Variants in CEACAM5 observed in about 807,000 individuals in gnomAD.
CEACAM5 encodes cell adhesion molecule CEACAM5.
Under a neutral mutation model 63.0 loss-of-function variants are expected in CEACAM5, and 52 were observed. The ratio of observed to expected loss-of-function variants is 0.83; its 90% CI spans 0.66 to 1.04. The LOEUF (loss-of-function observed/expected upper bound fraction) is 1.04, where lower values mean the gene tolerates loss of function less well. Ranked by LOEUF, CEACAM5 falls within the 50% of genes least tolerant of loss-of-function variation. The pLI is 0.00. For missense variants in CEACAM5, 790 were observed against 864.8 expected (o/e 0.91, Z 1.08); for synonymous variants, 357 against 351.3 (o/e 1.02, Z -0.18).
rs1314937111 is a variant in CEACAM5 at position 41,730,187 on chromosome 19, G to A, written c.*1040G>A. On this transcript the variant is annotated 3_prime_UTR_variant, in exon 10 of 10. Coordinates refer to ENST00000221992, the MANE Select transcript of CEACAM5 (RefSeq NM_004363.6). ...TGTAATCCCAGCACTTTGATCCGCCGAGGCGGGCGGATCACGAGGTCAGGA... is the reference window on the plus strand; with the variant it reads ...TGTAATCCCAGCACTTTGATCCGCCAAGGCGGGCGGATCACGAGGTCAGGA... Among the ~76,000 whole-genome samples, 2 of 152,144 alleles carry A rather than the reference G, an allele frequency of 1.3e-5. No individual in the cohort carries two copies. The highest frequency in any genetic ancestry group is 2.9e-5 in the Non-Finnish European group (2 of 68,026).
At chr19:41,716,049 A>T in intron 4 of CEACAM5, 145 bp downstream of exon 4, 1 of 893,852 alleles carries the variant, frequency 1.1e-6, no homozygotes, top group Non-Finnish European at 1.7e-6. Context: ...AACCTCCCCA[A>T]TATGTCTCTA....
chr19:41,720,730 G>A (rs1402306858), intron 7 of CEACAM5, among the ~76,000 whole-genome samples, 192 bp from the exon 8 acceptor site: 2 of 152,000 alleles, frequency 1.3e-5, no homozygotes, highest in Non-Finnish European at 1.5e-5. Flanking sequence ...GGCTGGTCTC[G>A]AACTCCTGAT....
intron 1 of CEACAM5, 39 bp downstream of exon 1, chr19:41,708,834 A>AGCACAGAGACTG (rs3217253): frequency 0.48 from 744,911 of 1,541,364 alleles, 184,428 homozygotes; most frequent in African/African-American, 0.67. Context: ...GGGAGGAGGG[A>AGCACAGAGACTG]GCTGGGGTCT....
chr19:41,725,167 G>C (rs906844869), intron 8 of CEACAM5, among the ~76,000 whole-genome samples: 2 of 152,038 alleles, frequency 1.3e-5, no homozygotes, highest in Non-Finnish European at 2.9e-5. Context: ...TGAAAGAATG[G>C]TGAATTTTGT....
intron 6 of CEACAM5, among the ~76,000 whole-genome samples, chr19:41,719,583 G>A (rs2072583472): frequency 6.6e-6 from 1 of 152,150 alleles, no homozygotes; most frequent in Non-Finnish European, 1.5e-5. Context: ...CAGCTGAACG[G>A]AATTCAGCAC....
At chr19:41,711,404 A>G (rs1460464072) in intron 2 of CEACAM5, among the ~76,000 whole-genome samples, 2 of 152,198 alleles carry the variant, frequency 1.3e-5, no homozygotes, top group Admixed American at 6.5e-5. Flanking sequence ...ACGCTTGCTC[A>G]GTAGCTCTCT....
At position 41,720,046 on chromosome 19, in the gene CEACAM5, A is replaced by G. The variant is rs1555815844; in HGVS notation, c.1609A>G (p.Asn537Asp). Residue 537 changes from asparagine (N) to aspartate (D), a missense_variant, in exon 7 of 10, where the codon AAT becomes GAT. Physicochemically the swap from Asn to Asp is conservative, Grantham distance 23. Transcript: ENST00000221992. ...GAACACAACCTACCTGTGGTGGGTA[A>G]ATGGTCAGAGCCTCCCAGTCAGTCC... ...AQNTTYLWWV[N>D]GQSLPVSPRL... The G allele has an allele frequency of 3.1e-6, 5 of 1,614,224 alleles. No homozygotes were observed. The highest frequency in any genetic ancestry group is 4.2e-6 in the Non-Finnish European group (5 of 1,180,042).
In CEACAM5 at chr19:41,727,357, G is replaced by T. The variant is rs782272817; in HGVS notation, c.*36+5G>T. The T allele has an allele frequency of 3.6e-6, 5 of 1,375,136 alleles. No individual in the cohort carries two copies. Among genetic ancestry groups the T allele is most frequent in the South Asian group, 2.3e-5 (2 of 85,544 alleles). The allele number at this position is 1,375,136 out of a possible 1,614,324, so 85.2% of individuals were successfully genotyped here. The stretch of plus-strand genomic sequence containing the variant: ...TTCTTCATTTCAGGAAGACTGGTAG[G>T]TATAATGGCCTTTCCTCTTGTTCTG... On this transcript the variant is annotated splice_donor_5th_base_variant and intron_variant, in intron 9 of 9. Coordinates refer to ENST00000221992, the MANE Select transcript of CEACAM5 (RefSeq NM_004363.6).
chr19:41,720,945 TC>T lies in CEACAM5; in HGVS notation c.1802del (p.Pro601GlnfsTer68), dbSNP rs782698410. 6.2e-7 allele frequency: 1 copy of T among 1,612,830 alleles called. No individual in the cohort carries two copies. The highest frequency in any genetic ancestry group is 1.7e-5 in the Admixed American group (1 of 59,898). ...AGATGGGCCGGACACCCCCATCATT[TC>T]CCCCCCAGACTCGTCTTACCTTTCG... ...VLYGPDTPII[S>X]PPDSSYLSGA... On this transcript the variant is annotated frameshift_variant, in exon 8 of 10. Transcript: ENST00000221992. LOFTEE classifies it high-confidence loss of function.
intron 2 of CEACAM5, among the ~76,000 whole-genome samples, chr19:41,710,761 C>T (rs2072423564): frequency 6.6e-6 from 1 of 152,140 alleles, no homozygotes; most frequent in African/African-American, 2.4e-5. Flanking sequence ...CCCGGCAGCT[C>T]CTTGTCCACC....
At chr19:41,714,879 T>C (rs2072494182) in intron 2 of CEACAM5, 92 bp from the exon 3 acceptor site, 1 of 1,585,452 alleles carries the variant, frequency 6.3e-7, no homozygotes, top group Non-Finnish European at 8.6e-7. Flanking sequence ...TCAGGTGGGC[T>C]GAGAGGTGGA....
At chr19:41,730,444 T>C (rs1024773637), downstream of CEACAM5, among the ~76,000 whole-genome samples, 2 of 150,738 alleles carry the variant, frequency 1.3e-5, no homozygotes, top group Non-Finnish European at 3.0e-5. Flanking sequence ...GTCTATGTGG[T>C]CAGTCACTAC....
At chr19:41,709,328 G>C (rs1446773505) in intron 1 of CEACAM5, among the ~76,000 whole-genome samples, 2 of 152,184 alleles carry the variant, frequency 1.3e-5, no homozygotes, top group Non-Finnish European at 2.9e-5. Context: ...AGGGAATAGA[G>C]CAGGGAAAGG....
At chr19:41,716,097 G>T (rs1219007016) in intron 4 of CEACAM5, among the ~76,000 whole-genome samples, 193 bp downstream of exon 4, 1 of 152,216 alleles carries the variant, frequency 6.6e-6, no homozygotes, top group South Asian at 2.1e-4. Context: ...CTCATGGCGG[G>T]CCCCAGGTCC....
chr19:41,717,336 A>T, intron 4 of CEACAM5, 119 bp from the exon 5 acceptor site: 1 of 1,087,688 alleles, frequency 9.2e-7, no homozygotes, highest in East Asian at 2.4e-5. Context: ...CACACCTGCC[A>T]TGAGCTTTTA....
chr19:41,728,630 C>G (rs2072730810), intron 9 of CEACAM5, among the ~76,000 whole-genome samples: 2 of 151,690 alleles, frequency 1.3e-5, no homozygotes, highest in Non-Finnish European at 2.9e-5. Flanking sequence ...ACTAAAAATA[C>G]AAAAAAATCA....
intron 8 of CEACAM5, among the ~76,000 whole-genome samples, chr19:41,722,898 T>TGTTG (rs1555816491): frequency 6.7e-6 from 1 of 150,076 alleles, no homozygotes; most frequent in Non-Finnish European, 1.5e-5. Flanking sequence ...TTTTTTTGTT[T>TGTTG]GTTTGTTTGT....
rs782320520 is a variant in CEACAM5, at chr19:41,720,049, G to A, written c.1612G>A (p.Gly538Ser). 2.5e-6 allele frequency: 4 copies of A among 1,614,110 alleles called. No homozygotes were observed. Among genetic ancestry groups the A allele is most frequent in the South Asian group, 2.2e-5 (2 of 91,090 alleles). ...CACAACCTACCTGTGGTGGGTAAAT[G>A]GTCAGAGCCTCCCAGTCAGTCCCAG... ...QNTTYLWWVNGQSLPVSPRLQ... is the reference protein window; with the variant it reads ...QNTTYLWWVNSQSLPVSPRLQ... The change falls in exon 7 of 10, where the codon GGT (glycine) becomes AGT (serine). Residue 538 changes from glycine to serine, a missense_variant. Physicochemically the swap from Gly to Ser is moderately conservative, Grantham distance 56. Coordinates refer to ENST00000221992, the MANE Select transcript of CEACAM5 (RefSeq NM_004363.6).
intron 1 of CEACAM5, 143 bp from the exon 2 acceptor site, chr19:41,709,537 G>GAC (rs71334990): frequency 0.017 from 19,000 of 1,111,098 alleles, 65 homozygotes; most frequent in African/African-American, 0.042. Flanking sequence ...GACCTAGTAG[G>GAC]ACACACACAC....
Sources: allele counts gnomAD v4.1 joint callset (sites outside exome capture counted in the v4.1 genomes callset), GRCh38; gene constraint gnomAD v4.1.1; transcripts MANE v1.5; gene names NCBI Gene and HGNC (gene_info 2026-07-23, HGNC 2026-07-21).